Variants in CNTN4 observed in about 807,000 individuals in gnomAD.
CNTN4 encodes the protein contactin-4.
CNTN4 carries 77 observed loss-of-function variants against 122.5 expected under a neutral mutation model. That is an observed-to-expected ratio of 0.63 (90% CI 0.52 to 0.76). The LOEUF is 0.76. Among genes scored for constraint, CNTN4 ranks in the 30% least tolerant of loss-of-function variants. CNTN4 has a pLI of 0.00. For synonymous variants in CNTN4, 512 were observed against 447.0 expected (o/e 1.15, Z -1.83); for missense variants, 1,256 against 1,259.1 (o/e 1.00, Z 0.04).
At chr3:2,211,355 G>T (rs1225263415) in intron 2 of CNTN4, among the ~76,000 whole-genome samples, 1 of 152,026 alleles carries the variant, frequency 6.6e-6, no homozygotes, top group African/African-American at 2.4e-5. Context: ...ATGAGATTTG[G>T]GTGAGGACAG....
intron 6 of CNTN4, among the ~76,000 whole-genome samples, chr3:2,807,573 G>C (rs2092499842): frequency 6.6e-6 from 1 of 151,798 alleles, no homozygotes; most frequent in African/African-American, 2.4e-5. Context: ...AGATGGAAAA[G>C]AGAAGAGAAA....
At chr3:2,129,264 C>CAAAAAAAA (rs11390812) in intron 2 of CNTN4, among the ~76,000 whole-genome samples, 1 of 63,846 alleles carries the variant, frequency 1.6e-5, no homozygotes, top group Non-Finnish European at 3.3e-5. Context: ...TCCAAACCTG[C>CAAAAAAAA]AAAAAAAAAA....
intron 2 of CNTN4, among the ~76,000 whole-genome samples, chr3:2,303,836 C>A (rs1206409023): frequency 6.6e-6 from 1 of 152,188 alleles, no homozygotes; most frequent in Admixed American, 6.5e-5. Context: ...TATAATAAAG[C>A]AAGCAAATCT....
chr3:2,883,309 CT>C (rs2093933683), intron 9 of CNTN4, 62 bp downstream of exon 9: 2 of 1,219,982 alleles, frequency 1.6e-6, no homozygotes, highest in Non-Finnish European at 2.4e-6. Flanking sequence ...TAGAGTTTTT[CT>C]TGCACTGTTC....
intron 3 of CNTN4, among the ~76,000 whole-genome samples, chr3:2,399,828 T>C (rs1416299849): frequency 2.0e-5 from 3 of 152,110 alleles, no homozygotes; most frequent in African/African-American, 7.2e-5. Flanking sequence ...TTTATATCAA[T>C]GAAGAGTGAA....
chr3:2,958,320 A>G (rs73116628), intron 13 of CNTN4, among the ~76,000 whole-genome samples: 3,240 of 152,238 alleles, frequency 0.021, 121 homozygotes, highest in African/African-American at 0.074. Flanking sequence ...GTTTCTCATT[A>G]GTTCTTATAT....
chr3:2,941,664 GC>G (rs1165914617), intron 13 of CNTN4, among the ~76,000 whole-genome samples: 14 of 152,134 alleles, frequency 9.2e-5, no homozygotes, highest in Admixed American at 9.2e-4. Flanking sequence ...GGTTGCAGTA[GC>G]CCCGACGCGT....
intron 3 of CNTN4, among the ~76,000 whole-genome samples, chr3:2,543,627 A>G (rs2078121879): frequency 6.6e-6 from 1 of 151,998 alleles, no homozygotes; most frequent in African/African-American, 2.4e-5. Context: ...AGACAATTTC[A>G]TTGCTCCATC....
chr3:2,132,220 C>T (rs985926881), intron 2 of CNTN4: 1 of 152,218 alleles, frequency 6.6e-6, no homozygotes, highest in Non-Finnish European at 1.5e-5. Context: ...GCTCTCCCAG[C>T]TAGTGTGCCA....
At chr3:2,273,245 T>G (rs2149832150) in intron 2 of CNTN4, among the ~76,000 whole-genome samples, 1 of 152,272 alleles carries the variant, frequency 6.6e-6, no homozygotes, top group African/African-American at 2.4e-5. Context: ...AAATAGATGG[T>G]TTTTCTGTTG....
At chr3:3,003,440 G>C (rs1306281438) in intron 14 of CNTN4, among the ~76,000 whole-genome samples, 1 of 152,054 alleles carries the variant, frequency 6.6e-6, no homozygotes, top group Non-Finnish European at 1.5e-5. Flanking sequence ...ACATGCTATT[G>C]ATATGTGGAT....
intron 3 of CNTN4, among the ~76,000 whole-genome samples, chr3:2,460,598 G>A (rs1198142810): frequency 6.6e-6 from 1 of 152,120 alleles, no homozygotes; most frequent in African/African-American, 2.4e-5. Context: ...CCTGGGTGTT[G>A]ACATAGATGA....
At chr3:3,039,272 G>C (rs557763773) in intron 19 of CNTN4, 12 of 392,440 alleles carry the variant, frequency 3.1e-5, no homozygotes, top group South Asian at 2.3e-4. Flanking sequence ...AATAAAGAAG[G>C]CTGTTTCAGA....
At chr3:2,286,177 TTAAC>T (rs2041892222) in intron 2 of CNTN4, among the ~76,000 whole-genome samples, 1 of 149,872 alleles carries the variant, frequency 6.7e-6, no homozygotes, top group Admixed American at 6.7e-5. Flanking sequence ...TTTTAAACAT[TTAAC>T]TATACTGTAT....
chr3:2,126,207 C>G (rs1006524605), intron 2 of CNTN4, among the ~76,000 whole-genome samples: 2 of 152,038 alleles, frequency 1.3e-5, no homozygotes, highest in Non-Finnish European at 2.9e-5. Flanking sequence ...TCTAGAAGCT[C>G]TTATGTGATA....
intron 4 of CNTN4, among the ~76,000 whole-genome samples, chr3:2,732,892 A>T (rs1488994308): frequency 1.3e-5 from 2 of 152,224 alleles, no homozygotes; most frequent in Non-Finnish European, 2.9e-5. Context: ...TGAGAACTGA[A>T]ATACTATTCC....
Position 2,988,416 on chromosome 3 carries a change from G to C in CNTN4, c.1430G>C (p.Cys477Ser), listed in dbSNP as rs1221771453. 6 of 1,613,722 alleles carry C rather than the reference G, an allele frequency of 3.7e-6. No homozygotes were observed. The highest frequency in any genetic ancestry group is 5.1e-6 in the Non-Finnish European group (6 of 1,179,722). ...VTKSDAGSYT[C>S]IATNHFGTAS... is the part of the protein sequence containing the mutation. Reference sequence around the variant, plus strand: ...AAATCAGACGCTGGGAGTTATACCTGTATAGCCACTAACCATTTTGGAACT... The same window carrying C: ...AAATCAGACGCTGGGAGTTATACCTCTATAGCCACTAACCATTTTGGAACT... Residue 477 changes from cysteine (C) to serine (S), a missense_variant, in exon 14 of 25, where the codon TGT (cysteine) becomes TCT (serine). Physicochemically the swap from Cys to Ser is moderately radical, Grantham distance 112. Transcript: ENST00000418658.
intron 4 of CNTN4, among the ~76,000 whole-genome samples, chr3:2,659,369 G>A (rs1390186155): frequency 1.3e-5 from 2 of 150,776 alleles, no homozygotes; most frequent in African/African-American, 2.4e-5. Flanking sequence ...GGCTGAGGCA[G>A]GAGAATCACT....
chr3:2,752,120 C>G (rs559004484), intron 6 of CNTN4, among the ~76,000 whole-genome samples: 1 of 152,160 alleles, frequency 6.6e-6, no homozygotes. Context: ...ATTCCCCTTT[C>G]TGTCCCTCCA....
Sources: allele counts gnomAD v4.1 joint callset (sites outside exome capture counted in the v4.1 genomes callset), GRCh38; gene constraint gnomAD v4.1.1; transcripts MANE v1.5; gene names NCBI Gene and HGNC (gene_info 2026-07-23, HGNC 2026-07-21).